ZBTB46: variants seen among roughly 807,000 people sequenced by gnomAD.
ZBTB46 encodes zinc finger and BTB domain containing 46.
A neutral mutation model predicts 44.1 loss-of-function variants in ZBTB46; 8 were observed. The observed-to-expected ratio is 0.18, with a 90% CI of 0.11 to 0.33. The LOEUF is 0.33. Among genes scored for constraint, ZBTB46 ranks in the 10% least tolerant of loss-of-function variants. The pLI is 1.00. For missense variants in ZBTB46, 651 were observed against 847.7 expected (o/e 0.77, Z 2.88); for synonymous variants, 409 against 382.3 (o/e 1.07, Z -0.81).
intron 1 of ZBTB46, among the ~76,000 whole-genome samples, chr20:63,813,167 G>A (rs1285939023): frequency 6.6e-6 from 1 of 151,982 alleles, no homozygotes; most frequent in Admixed American, 6.6e-5. Context: ...ATTAAGTTGG[G>A]GCCAGGCACG....
At chr20:63,806,394 T>G (rs1601512802) in intron 1 of ZBTB46, among the ~76,000 whole-genome samples, 2 of 122,140 alleles carry the variant, frequency 1.6e-5, no homozygotes, top group South Asian at 5.1e-4. Context: ...GCAACAACAG[T>G]GAAACTCCAT....
intron 3 of ZBTB46, among the ~76,000 whole-genome samples, chr20:63,772,097 C>T (rs1017963158): frequency 1.4e-4 from 21 of 148,696 alleles, no homozygotes; most frequent in African/African-American, 4.5e-4. Context: ...CAGGTTCAAG[C>T]GATTCTCCTG....
intron 1 of ZBTB46, chr20:63,807,940 G>A (rs1488639281): frequency 1.4e-5 from 2 of 143,088 alleles, no homozygotes; most frequent in Admixed American, 1.4e-4. Flanking sequence ...CACGGAAGCT[G>A]AACGGACCTT....
At chr20:63,755,547 C>T (rs1278880307) in intron 3 of ZBTB46, among the ~76,000 whole-genome samples, 1 of 152,206 alleles carries the variant, frequency 6.6e-6, no homozygotes, top group Non-Finnish European at 1.5e-5. Flanking sequence ...ATTTTGAGAT[C>T]CTTTATCACA....
upstream of ZBTB46, among the ~76,000 whole-genome samples, chr20:63,833,551 G>A (rs2092861545): frequency 6.6e-6 from 1 of 152,070 alleles, no homozygotes; most frequent in Non-Finnish European, 1.5e-5. Flanking sequence ...AGTTCGTGCC[G>A]CTGCACTCCA....
intron 2 of ZBTB46, among the ~76,000 whole-genome samples, chr20:63,779,666 C>G (rs1224718284): frequency 6.6e-6 from 1 of 151,826 alleles, no homozygotes; most frequent in African/African-American, 2.4e-5. Context: ...GTGATTCGCC[C>G]CCCTCAGCCT....
At position 63,747,289 on chromosome 20, in the gene ZBTB46, C is replaced by A; in HGVS notation, c.1411G>T (p.Asp471Tyr). The A allele has an allele frequency of 7.1e-7, 1 of 1,401,816 alleles. No individual in the cohort carries two copies. Among genetic ancestry groups the A allele is most frequent in the South Asian group, 1.4e-5 (1 of 73,934 alleles). 86.8% of individuals were successfully genotyped at this position (1,401,816 alleles called of 1,614,324 possible). A position where few individuals can be genotyped will look rare whatever the true frequency, so the allele number is the denominator to read the frequency against. ...CACACCTTGCACACATACTTCTTGTCCTTGCTGTGGACCTGCAGAGGCAGG... is the reference window on the plus strand; with the variant it reads ...CACACCTTGCACACATACTTCTTGTACTTGCTGTGGACCTGCAGAGGCAGG... ...MKRHTLVHSK[D>Y]KKYVCKVCSR... is the part of the protein sequence containing the mutation. Residue 471 changes from aspartate (D) to tyrosine (Y), a missense_variant, in exon 5 of 5, where the codon GAC (aspartate) becomes TAC (tyrosine). Asp to Tyr is a radical substitution (Grantham distance 160, BLOSUM62 -3). This residue lies in a region of ZBTB46 where 75 missense variants were observed against 107.8 expected (regional missense o/e 0.70). Transcript: ENST00000245663.
chr20:63,805,939 A>G (rs952936953), intron 1 of ZBTB46, among the ~76,000 whole-genome samples: 4 of 151,296 alleles, frequency 2.6e-5, no homozygotes, highest in African/African-American at 9.7e-5. Flanking sequence ...CACCCGGATA[A>G]TTTTTTTGTA....
At chr20:63,799,941 C>A (rs1409429124) in intron 1 of ZBTB46, among the ~76,000 whole-genome samples, 2 of 152,178 alleles carry the variant, frequency 1.3e-5, no homozygotes, top group Admixed American at 6.5e-5. Context: ...AACTCCGGTA[C>A]CTACCCGAGA....
chr20:63,806,038 G>C (rs570201904), intron 1 of ZBTB46, among the ~76,000 whole-genome samples: 1 of 150,986 alleles, frequency 6.6e-6, no homozygotes, highest in East Asian at 2.0e-4. Context: ...GCCTCCCAAA[G>C]TGCTGGGATT....
At chr20:63,766,351 G>C (rs940014471) in intron 3 of ZBTB46, among the ~76,000 whole-genome samples, 1 of 151,580 alleles carries the variant, frequency 6.6e-6, no homozygotes, top group Middle Eastern at 3.4e-3. Context: ...AAATAGCTGG[G>C]ATTACAGGCG....
At chr20:63,806,580 G>A (rs2092682974) in intron 1 of ZBTB46, among the ~76,000 whole-genome samples, 1 of 151,976 alleles carries the variant, frequency 6.6e-6, no homozygotes, top group Non-Finnish European at 1.5e-5. Flanking sequence ...TAAAATAAAG[G>A]CAACACTATG....
rs980555715 is a variant in ZBTB46 at position 63,790,938 on chromosome 20, G to A, written c.-33-148C>T. The A allele has an allele frequency of 1.4e-5, 17 of 1,179,918 alleles. No individual in the cohort carries two copies. The African/African-American group carries it at 1.7e-4, about 12-fold the overall frequency. The allele number at this position is 1,179,918 out of a possible 1,614,324, so 73.1% of individuals were successfully genotyped here. ...GAGAGCCCATCCACAGGTGTGCAGCGGGAGGCCTGTGTCTCCGCCTGAAGC... is the reference window on the plus strand; with the variant it reads ...GAGAGCCCATCCACAGGTGTGCAGCAGGAGGCCTGTGTCTCCGCCTGAAGC... On this transcript the variant is annotated intron_variant, in intron 1 of 4. Coordinates refer to ENST00000245663, the MANE Select transcript of ZBTB46 (RefSeq NM_001369741.1).
chr20:63,806,149 C>T (rs1040686621), intron 1 of ZBTB46, among the ~76,000 whole-genome samples: 7 of 151,278 alleles, frequency 4.6e-5, no homozygotes, highest in African/African-American at 1.7e-4. Flanking sequence ...CGCCTGTAAT[C>T]CCAGCATTTT....
intron 1 of ZBTB46, among the ~76,000 whole-genome samples, chr20:63,804,679 G>A (rs891101967): frequency 2.0e-5 from 3 of 152,022 alleles, no homozygotes; most frequent in Non-Finnish European, 4.4e-5. Context: ...GGATCACCAG[G>A]TCAAGAGATC....
chr20:63,781,395 C>T (rs568483357), intron 2 of ZBTB46, among the ~76,000 whole-genome samples: 65 of 152,240 alleles, frequency 4.3e-4, no homozygotes, highest in Admixed American at 4.0e-3. Context: ...ACGGTCACCA[C>T]GTAGACAGCC....
At chr20:63,819,111 G>A (rs1030729709) in intron 1 of ZBTB46, among the ~76,000 whole-genome samples, 1 of 147,048 alleles carries the variant, frequency 6.8e-6, no homozygotes, top group Admixed American at 6.8e-5. Flanking sequence ...AGATGGAGGT[G>A]GCAGTGAGCT....
intron 3 of ZBTB46, among the ~76,000 whole-genome samples, chr20:63,760,950 A>T (rs2092268991): frequency 6.8e-6 from 1 of 147,216 alleles, no homozygotes; most frequent in African/African-American, 2.5e-5. Context: ...CCACCATGCC[A>T]GCTACACTGT....
intron 2 of ZBTB46, 93 bp from the exon 3 acceptor site, chr20:63,776,055 T>A: frequency 1.4e-6 from 2 of 1,429,246 alleles, no homozygotes; most frequent in Non-Finnish European, 1.8e-6. Flanking sequence ...AGCGACCAGC[T>A]TCTGCCTGAG....
Sources: gnomAD v4.1 joint callset for allele counts (sites outside exome capture counted in the v4.1 genomes callset) on GRCh38, gnomAD v4.1.1 for gene constraint, gnomAD v4.1.1 regional missense constraint, MANE v1.5 for transcripts, NCBI Gene and HGNC (gene_info 2026-07-23, HGNC 2026-07-21) for gene names.